The following TENM3 variants were observed in gnomAD, a reference collection of about 807,000 sequenced individuals.
The protein encoded by TENM3 is teneurin transmembrane protein 3, also known as teneurin-3.
Under a neutral mutation model 255.1 loss-of-function variants are expected in TENM3, and 63 were observed. The observed-to-expected ratio is 0.25, with a 90% CI of 0.20 to 0.30. The LOEUF is 0.30. Among genes scored for constraint, TENM3 ranks in the 10% least tolerant of loss-of-function variants. TENM3 has a pLI of 1.00. For synonymous variants in TENM3, 1,306 were observed against 1,322.3 expected, an observed-to-expected ratio of 0.99 and a Z score of 0.27; for missense variants, 2,929 against 3,461.1, an observed-to-expected ratio of 0.85 and a Z score of 3.86.
intron 12 of TENM3, among the ~76,000 whole-genome samples, chr4:182,713,785 G>A (rs1382105108): frequency 6.6e-6 from 1 of 152,078 alleles, no homozygotes; most frequent in Non-Finnish European, 1.5e-5. Context: ...AATATACCTT[G>A]TTGCTTGGCT....
the TENM3 span, among the ~76,000 whole-genome samples, chr4:181,832,332 T>C: frequency 6.6e-6 from 1 of 152,206 alleles, no homozygotes; most frequent in South Asian, 2.1e-4. Context: ...CTTCAGCGTG[T>C]GTTAATAAGA....
chr4:182,349,751 T>G (rs1481807854), intron 3 of TENM3: 1 of 251,272 alleles, frequency 4.0e-6, no homozygotes, highest in African/African-American at 2.3e-5. Flanking sequence ...TTTTAATTGC[T>G]CTAACTTAAA....
intron 4 of TENM3, among the ~76,000 whole-genome samples, chr4:182,615,028 G>GAAAA (rs751141011): frequency 5.6e-5 from 5 of 89,062 alleles, no homozygotes; most frequent in Admixed American, 1.4e-4. Flanking sequence ...ATGTTTCTCA[G>GAAAA]AAAAAAAAAA....
chr4:182,660,733 TA>T (rs747720174), intron 6 of TENM3, among the ~76,000 whole-genome samples: 23 of 152,240 alleles, frequency 1.5e-4, no homozygotes, highest in Non-Finnish European at 3.1e-4. Context: ...GCATAGAATT[TA>T]TTCATTTTAC....
At chr4:182,272,333 C>G (rs770078366) in intron 1 of TENM3, among the ~76,000 whole-genome samples, 9 of 152,306 alleles carry the variant, frequency 5.9e-5, no homozygotes, top group African/African-American at 2.2e-4. Flanking sequence ...AAAGTAACAA[C>G]GCATTGCTCT....
At chr4:181,547,912 A>T in the TENM3 span, among the ~76,000 whole-genome samples, 1 of 151,906 alleles carries the variant, frequency 6.6e-6, no homozygotes, top group Non-Finnish European at 1.5e-5. Flanking sequence ...GCACCCATTA[A>T]CTCGTCATTT....
chr4:182,079,441 A>G, the TENM3 span, among the ~76,000 whole-genome samples: 1 of 152,028 alleles, frequency 6.6e-6, no homozygotes, highest in African/African-American at 2.4e-5. Flanking sequence ...GCGTGAACCC[A>G]GGAGGCAGAG....
chr4:181,553,741 A>T, the TENM3 span, among the ~76,000 whole-genome samples: 1 of 152,068 alleles, frequency 6.6e-6, no homozygotes, highest in East Asian at 1.9e-4. Flanking sequence ...GCGCCCGGCC[A>T]ATAGAAGGGT....
chr4:182,417,098 C>G (rs1467908119), intron 3 of TENM3, among the ~76,000 whole-genome samples: 1 of 151,770 alleles, frequency 6.6e-6, no homozygotes, highest in South Asian at 2.1e-4. Flanking sequence ...CTCAGCCTCC[C>G]GAGTAGCTGG....
At chr4:181,863,702 A>C in the TENM3 span, among the ~76,000 whole-genome samples, 1 of 152,054 alleles carries the variant, frequency 6.6e-6, no homozygotes, top group Non-Finnish European at 1.5e-5. Context: ...TCCCCTACTT[A>C]TGAAACTTTT....
At chr4:182,724,434 G>C (rs558813665) in intron 13 of TENM3, among the ~76,000 whole-genome samples, 1 of 152,318 alleles carries the variant, frequency 6.6e-6, no homozygotes, top group South Asian at 2.1e-4. Flanking sequence ...TCCGTCACTT[G>C]CTTGGGCAAG....
chr4:181,868,709 A>AT, the TENM3 span, among the ~76,000 whole-genome samples: 1 of 152,330 alleles, frequency 6.6e-6, no homozygotes, highest in East Asian at 1.9e-4. Context: ...TGGGATGAAG[A>AT]TTTTGCATGG....
chr4:182,257,291 G>C (rs1045791845), intron 1 of TENM3, among the ~76,000 whole-genome samples: 1 of 152,158 alleles, frequency 6.6e-6, no homozygotes, highest in Admixed American at 6.5e-5. Context: ...ACGTGTAACA[G>C]ATATACATAT....
chr4:182,014,172 A>ATAAG, the TENM3 span, among the ~76,000 whole-genome samples: 1 of 144,040 alleles, frequency 6.9e-6, no homozygotes, highest in Non-Finnish European at 1.5e-5. Context: ...ATATATATAC[A>ATAAG]TATATATATG....
the TENM3 span, among the ~76,000 whole-genome samples, chr4:181,552,550 T>C: frequency 1.3e-5 from 2 of 152,240 alleles, no homozygotes; most frequent in African/African-American, 2.4e-5. Context: ...TCAACACTTG[T>C]AATAATTTTC....
the TENM3 span, among the ~76,000 whole-genome samples, chr4:181,919,600 G>A: frequency 6.6e-6 from 1 of 152,014 alleles, no homozygotes; most frequent in Non-Finnish European, 1.5e-5. Context: ...GGTGGCAGGA[G>A]AAGGAAATGA....
the TENM3 span, among the ~76,000 whole-genome samples, chr4:181,628,857 T>C: frequency 4.6e-5 from 7 of 152,194 alleles, no homozygotes; most frequent in South Asian, 1.4e-3. Context: ...GTGTTTTTTT[T>C]CCAATTCTGT....
At chr4:181,809,853 G>T in the TENM3 span, among the ~76,000 whole-genome samples, 2 of 152,044 alleles carry the variant, frequency 1.3e-5, no homozygotes, top group African/African-American at 4.8e-5. Context: ...TCCCAGGAAC[G>T]CAAGCAGCCT....
the TENM3 span, among the ~76,000 whole-genome samples, chr4:181,642,502 T>A: frequency 5.3e-5 from 8 of 151,726 alleles, no homozygotes; most frequent in Admixed American, 3.9e-4. Context: ...ATTTTGGTTT[T>A]TGTTGCCATT....
Sources: gnomAD v4.1 joint callset for allele counts (sites outside exome capture counted in the v4.1 genomes callset) on GRCh38, gnomAD v4.1.1 for gene constraint, MANE v1.5 for transcripts, NCBI Gene and HGNC (gene_info 2026-07-23, HGNC 2026-07-21) for gene names.